ERCC2: variants seen among roughly 807,000 people sequenced by gnomAD.
ERCC2 encodes ERCC excision repair 2, TFIIH core complex helicase subunit, also known as general transcription and DNA repair factor IIH helicase subunit XPD.
Under a neutral mutation model 99.4 loss-of-function variants are expected in ERCC2, and 90 were observed. The ratio of observed to expected loss-of-function variants is 0.91; its 90% confidence interval spans 0.76 to 1.08. ERCC2 has a LOEUF of 1.08. ERCC2 is among the 50% of genes least tolerant of loss of function. The pLI is 0.00. For missense variants in ERCC2, 993 were observed against 1,038.1 expected, an observed-to-expected ratio of 0.96 and a Z score of 0.60; for synonymous variants, 497 against 432.4, an observed-to-expected ratio of 1.15 and a Z score of -1.85.
chr19:45,351,510 G>A lies in ERCC2; in HGVS notation c.*119C>T, dbSNP rs560366651. 23 of 1,483,468 alleles carry A rather than the reference G, an allele frequency of 1.6e-5. No homozygotes were observed. Among genetic ancestry groups the A allele is most frequent in the Non-Finnish European group, 1.8e-5 (20 of 1,082,482 alleles). 91.9% of individuals were successfully genotyped at this position (1,483,468 alleles called of 1,614,324 possible). A position where few individuals can be genotyped will look rare whatever the true frequency, so the allele number is the denominator to read the frequency against. ...TCTCCTGCGATTAAAGGCTGTGGAC[G>A]TGACAGTGAGAAATGTCACCTGACT... On this transcript the variant is annotated 3_prime_UTR_variant, in exon 23 of 23. Transcript: ENST00000391945.
At chr19:45,366,165 C>T (rs562333977) in intron 5 of ERCC2, among the ~76,000 whole-genome samples, 5 of 119,728 alleles carry the variant, frequency 4.2e-5, no homozygotes, top group East Asian at 4.7e-4. Context: ...TTTTTTGAGA[C>T]GGAGTCTTGC....
chr19:45,361,979 C>G (rs1191673342), intron 11 of ERCC2: 4 of 328,192 alleles, frequency 1.2e-5, no homozygotes, highest in African/African-American at 4.3e-5. Context: ...CCCTGTCATC[C>G]AGGCTGGAGA....
chr19:45,365,040 A>G lies in ERCC2; in HGVS notation c.477+2T>C. The G allele has an allele frequency of 6.2e-7, 1 of 1,613,074 alleles. No homozygotes were observed. The highest frequency in any genetic ancestry group is 8.5e-7 in the Non-Finnish European group (1 of 1,179,104). ...CCTCCCTCAGCCCTGCCCTCCAGTA[A>G]CCTCATAGAATCGGCAGTGGGGCAG... On this transcript the variant is annotated splice_donor_variant, in intron 6 of 22. Coordinates refer to ENST00000391945, the MANE Select transcript of ERCC2 (RefSeq NM_000400.4). LOFTEE classifies it high-confidence loss of function.
At position 45,350,147 on chromosome 19, in the gene ERCC2, C is replaced by G. The variant is rs556145425; in HGVS notation, c.*1482G>C. Reference sequence around the variant, plus strand: ...CAGCACATTAGAAAGTGGGGCCAGACGTGGTGGTTCACGCTTGTAACCCCA... The same window carrying G: ...CAGCACATTAGAAAGTGGGGCCAGAGGTGGTGGTTCACGCTTGTAACCCCA... On this transcript the variant is annotated 3_prime_UTR_variant, in exon 23 of 23. Transcript: ENST00000391945. 2,659 of 590,126 alleles carry G rather than the reference C, an allele frequency of 4.5e-3. 10 individuals carry two copies. The highest frequency in any genetic ancestry group is 6.8e-3 in the Non-Finnish European group (2,261 of 332,948). 36.6% of individuals were successfully genotyped at this position (590,126 alleles called of 1,614,324 possible).
At chr19:45,355,131 T>C (rs1049802232) in intron 16 of ERCC2, among the ~76,000 whole-genome samples, 1 of 151,764 alleles carries the variant, frequency 6.6e-6, no homozygotes, top group Admixed American at 6.6e-5. Context: ...CCGAGGCGGG[T>C]GGATCATCTG....
chr19:45,354,988 G>A lies in ERCC2; in HGVS notation c.1544-137C>T, dbSNP rs2070831. 98,675 of 1,120,336 alleles carry A rather than the reference G, an allele frequency of 0.088. 14,841 individuals carry two copies. The highest frequency in any genetic ancestry group is 0.58 in the African/African-American group (37,871 of 65,308). 69.4% of individuals were successfully genotyped at this position (1,120,336 alleles called of 1,614,324 possible). ...CACATATCCCCCTCCTCCTCCTCCC[G>A]GGCGTGTCTGAGGACCCGCCTTGCC... On this transcript the variant is annotated intron_variant, in intron 16 of 22. Transcript: ENST00000391945.
chr19:45,350,736 A>T lies in ERCC2; in HGVS notation c.*893T>A. ...CCCGGCTCCGAGGCGAGGCGGCGGC[A>T]GGAGCAGCCGGGTGAGTGTTGATCA... On this transcript the variant is annotated 3_prime_UTR_variant, in exon 23 of 23. Transcript: ENST00000391945. 1.2e-6 allele frequency: 2 copies of T among 1,611,756 alleles called. No homozygotes were observed. The highest frequency in any genetic ancestry group is 1.7e-6 in the Non-Finnish European group (2 of 1,179,226).
intron 4 of ERCC2, 40 bp downstream of exon 4, chr19:45,368,890 G>T: frequency 6.2e-7 from 1 of 1,608,472 alleles, no homozygotes; most frequent in South Asian, 1.1e-5. Flanking sequence ...AGGGCCTAGG[G>T]AACAGTGGGG....
chr19:45,356,118 C>T (rs1182758568), intron 15 of ERCC2, among the ~76,000 whole-genome samples: 1 of 152,164 alleles, frequency 6.6e-6, no homozygotes, highest in Admixed American at 6.5e-5. Context: ...TGTCCACACT[C>T]TCCAACAGCA....
rs1201076330 is a variant in ERCC2, at chr19:45,363,828, G to A, written c.1033C>T (p.Arg345Cys). Residue 345 changes from arginine (R) to cysteine (C), a missense_variant, in exon 11 of 23, where the codon CGT becomes TGT. By Grantham distance (180) the Arg-to-Cys change is radical. Coordinates refer to ENST00000391945, the MANE Select transcript of ERCC2 (RefSeq NM_000400.4). ...RLLEYVKWRLRVQHVVQESPP... is the reference protein window; with the variant it reads ...RLLEYVKWRLCVQHVVQESPP... ...CTCTCCTGCACCACATGCTGCACAC[G>A]CAGCCGCCACTTCACGTACTCCAGC... is the stretch of plus-strand genomic sequence containing the variant. 7 of 1,541,012 alleles carry A rather than the reference G, an allele frequency of 4.5e-6. No individual in the cohort carries two copies. Among genetic ancestry groups the A allele is most frequent in the Non-Finnish European group, 6.1e-6 (7 of 1,149,676 alleles).
chr19:45,351,657 C>T lies in ERCC2; in HGVS notation c.2255G>A (p.Arg752Lys). The change falls in exon 23 of 23, where the codon AGG becomes AAG. Residue 752 changes from arginine (R) to lysine (K), a missense_variant. Around this residue, in one of 3 missense-constraint regions of ERCC2, gnomAD observed 909 missense variants for 930.8 expected, o/e 0.98. Transcript: ENST00000391945. ...GAGCTGCTGAGCAATCTGCTCTATC[C>T]TCTTCAGCGTCTCCTCTGATTCTAG... ...EQLESEETLK[R>K]IEQIAQQL 1 of 1,614,098 alleles carries T rather than the reference C, an allele frequency of 6.2e-7. No homozygotes were observed. Among genetic ancestry groups the T allele is most frequent in the Non-Finnish European group, 8.5e-7 (1 of 1,180,008 alleles).
Position 45,351,268 on chromosome 19 carries a change from C to A in ERCC2, c.*361G>T, listed in dbSNP as rs1454610319. On this transcript the variant is annotated 3_prime_UTR_variant, in exon 23 of 23. Coordinates refer to ENST00000391945, the MANE Select transcript of ERCC2 (RefSeq NM_000400.4). ...GCCCCTCACCTCCCCTCCAACCATCCCCTGTGCCTGTCTCCAGTTTCCCAG... is the reference window on the plus strand; with the variant it reads ...GCCCCTCACCTCCCCTCCAACCATCACCTGTGCCTGTCTCCAGTTTCCCAG... 1 of 1,611,492 alleles carries A rather than the reference C, an allele frequency of 6.2e-7. No individual in the cohort carries two copies. The highest frequency in any genetic ancestry group is 1.7e-5 in the Admixed American group (1 of 59,906).
intron 17 of ERCC2, among the ~76,000 whole-genome samples, 187 bp from the exon 18 acceptor site, chr19:45,353,521 C>T (rs556448825): frequency 2.2e-4 from 33 of 152,252 alleles, no homozygotes; most frequent in Middle Eastern, 3.4e-3. Flanking sequence ...GGTGGGGAAC[C>T]AATCATTGCT....
intron 12 of ERCC2, among the ~76,000 whole-genome samples, chr19:45,359,200 T>TGAGGGG (rs1442003343): frequency 6.7e-5 from 10 of 149,788 alleles, no homozygotes; most frequent in Non-Finnish European, 1.5e-4. Context: ...AACCTAAGGA[T>TGAGGGG]GAGGGGGAGG....
At position 45,351,222 on chromosome 19, in the gene ERCC2, T is replaced by C; in HGVS notation, c.*407A>G. ...TTGGCTGCCAGGCTGGACCTGGAGCTGGAGGGTGGATGTAACACTTGCCCC... is the reference window on the plus strand; with the variant it reads ...TTGGCTGCCAGGCTGGACCTGGAGCCGGAGGGTGGATGTAACACTTGCCCC... On this transcript the variant is annotated 3_prime_UTR_variant, in exon 23 of 23. Transcript: ENST00000391945. 6 of 1,591,726 alleles carry C rather than the reference T, an allele frequency of 3.8e-6. No individual in the cohort carries two copies. The highest frequency in any genetic ancestry group is 5.1e-6 in the Non-Finnish European group (6 of 1,168,930).
intron 11 of ERCC2, among the ~76,000 whole-genome samples, chr19:45,362,806 G>C (rs562332521): frequency 1.3e-5 from 2 of 152,334 alleles, no homozygotes; most frequent in South Asian, 4.1e-4. Flanking sequence ...CACCCACAGA[G>C]GCAGGGCAGC....
intron 12 of ERCC2, among the ~76,000 whole-genome samples, chr19:45,360,186 T>TAAGATA (rs1460669078): frequency 1.3e-5 from 2 of 150,992 alleles, no homozygotes; most frequent in Non-Finnish European, 2.9e-5. Context: ...GTTCACGCCA[T>TAAGATA]TCTCCTGCCT....
chr19:45,354,075 T>C (rs755315263), intron 17 of ERCC2, among the ~76,000 whole-genome samples: 16 of 152,180 alleles, frequency 1.1e-4, no homozygotes, highest in Non-Finnish European at 2.4e-4. Flanking sequence ...CCGCCTCCCA[T>C]GCGTGCCTTT....
At position 45,370,528 on chromosome 19, in the gene ERCC2, C is replaced by G. The variant is rs539369345; in HGVS notation, c.5+8G>C. On this transcript the variant is annotated splice_region_variant and intron_variant, in intron 1 of 22. Coordinates refer to ENST00000391945, the MANE Select transcript of ERCC2 (RefSeq NM_000400.4). ...GCTAGCGAGCGCGACCCCCAGCCCC[C>G]TTCTCACTTCATGGCGCCGGCCGGA... 1.9e-6 allele frequency: 3 copies of G among 1,592,046 alleles called. No homozygotes were observed. Among genetic ancestry groups the G allele is most frequent in the Admixed American group, 1.7e-5 (1 of 58,892 alleles).
Sources: gnomAD v4.1 joint callset for allele counts (sites outside exome capture counted in the v4.1 genomes callset) on GRCh38, gnomAD v4.1.1 for gene constraint, gnomAD v4.1.1 regional missense constraint, MANE v1.5 for transcripts, NCBI Gene and HGNC (gene_info 2026-07-23, HGNC 2026-07-21) for gene names.